Variants in OSBPL10 observed in about 807,000 individuals in gnomAD.
OSBPL10 encodes the protein oxysterol binding protein like 10, also known as oxysterol-binding protein-related protein 10.
A neutral mutation model predicts 81.7 loss-of-function variants in OSBPL10; 49 were observed. The ratio of observed to expected loss-of-function variants is 0.60; its 90% CI spans 0.48 to 0.76. The LOEUF (loss-of-function observed/expected upper bound fraction) is 0.76, where lower values mean the gene tolerates loss of function less well. Ranked by LOEUF, OSBPL10 falls within the 30% of genes least tolerant of loss-of-function variation. The pLI is 0.00. For synonymous variants in OSBPL10, 419 were observed against 383.6 expected (o/e 1.09, Z -1.08); for missense variants, 923 against 987.8 (o/e 0.93, Z 0.88).
At chr3:31,905,539 A>G (rs1417583703) in intron 1 of OSBPL10, among the ~76,000 whole-genome samples, 3 of 151,506 alleles carry the variant, frequency 2.0e-5, no homozygotes, top group Non-Finnish European at 4.4e-5. Flanking sequence ...TAGTAGAGAC[A>G]TGGTTTCGCC....
At chr3:31,898,795 C>T (rs1455661493) in intron 1 of OSBPL10, among the ~76,000 whole-genome samples, 1 of 151,650 alleles carries the variant, frequency 6.6e-6, no homozygotes, top group Non-Finnish European at 1.5e-5. Context: ...TAAACAAAGG[C>T]AAATCTAAAC....
intron 6 of OSBPL10, among the ~76,000 whole-genome samples, chr3:31,712,884 CTTG>C (rs1696305946): frequency 6.6e-6 from 1 of 151,750 alleles, no homozygotes; most frequent in Admixed American, 6.6e-5. Flanking sequence ...TTTCTAATCA[CTTG>C]GCCAAAAGCC....
intron 1 of OSBPL10, among the ~76,000 whole-genome samples, chr3:32,067,624 GA>G (rs1384209237): frequency 3.9e-5 from 6 of 152,146 alleles, no homozygotes; most frequent in African/African-American, 1.4e-4. Flanking sequence ...CACCCTAACT[GA>G]TCAATGTACT....
intron 4 of OSBPL10, among the ~76,000 whole-genome samples, chr3:31,752,481 T>C (rs1405740167): frequency 6.6e-6 from 1 of 152,192 alleles, no homozygotes; most frequent in Non-Finnish European, 1.5e-5. Context: ...CAAGTTGAAC[T>C]TCACAGATAA....
chr3:31,661,867 G>T lies in OSBPL10; in HGVS notation c.*205C>A. 1.6e-6 allele frequency: 1 copy of T among 643,886 alleles called. No homozygotes were observed. The highest frequency in any genetic ancestry group is 3.2e-5 in the Admixed American group (1 of 31,202). 39.9% of individuals were successfully genotyped at this position (643,886 alleles called of 1,614,324 possible). ...GAACGTATACGGTGTGTACACACAC[G>T]TGCCCCGAATGGCTCTTGAATAAAT... On this transcript the variant is annotated 3_prime_UTR_variant, in exon 12 of 12. Coordinates refer to ENST00000396556, the MANE Select transcript of OSBPL10 (RefSeq NM_017784.5).
intron 1 of OSBPL10, among the ~76,000 whole-genome samples, chr3:31,891,867 C>A (rs984875183): frequency 3.3e-5 from 5 of 152,120 alleles, no homozygotes; most frequent in Middle Eastern, 6.3e-3. Flanking sequence ...AGCTCCAAGT[C>A]CCCAAACTAA....
chr3:31,733,465 G>A lies in OSBPL10; in HGVS notation c.941-54C>T. On this transcript the variant is annotated intron_variant, in intron 5 of 11. Coordinates refer to ENST00000396556, the MANE Select transcript of OSBPL10 (RefSeq NM_017784.5). ...GTATTTTCCAAATTAAACATTTATA[G>A]CTCATGAAATATTTGTACTCACTGT... 1.9e-6 allele frequency: 3 copies of A among 1,605,558 alleles called. No homozygotes were observed. The Middle Eastern group carries it at 5.0e-4, about 266-fold the overall frequency.
intron 2 of OSBPL10, among the ~76,000 whole-genome samples, chr3:32,033,207 A>G (rs1328523855): frequency 6.6e-6 from 1 of 152,190 alleles, no homozygotes; most frequent in African/African-American, 2.4e-5. Context: ...TGAAGGTCTT[A>G]AGAGCTGTTT....
intron 4 of OSBPL10, among the ~76,000 whole-genome samples, chr3:31,780,089 G>A (rs754872926): frequency 2.6e-5 from 4 of 152,036 alleles, no homozygotes; most frequent in Non-Finnish European, 2.9e-5. Flanking sequence ...TCAGGCAATC[G>A]AGACCATCCT....
chr3:31,708,808 T>A, intron 6 of OSBPL10: 1 of 985,436 alleles, frequency 1.0e-6, no homozygotes, highest in Non-Finnish European at 1.2e-6. Context: ...CCATCTTTGT[T>A]GGGTAGAGGG....
chr3:32,073,697 C>T (rs1699852138), intron 1 of OSBPL10, among the ~76,000 whole-genome samples: 1 of 152,164 alleles, frequency 6.6e-6, no homozygotes, highest in African/African-American at 2.4e-5. Flanking sequence ...GTCATCCCTT[C>T]TATATTCTGT....
At chr3:31,852,575 T>G (rs201561278) in intron 3 of OSBPL10, among the ~76,000 whole-genome samples, 1 of 150,996 alleles carries the variant, frequency 6.6e-6, no homozygotes, top group Non-Finnish European at 1.5e-5. Context: ...TTTTTCCTTT[T>G]TTTGTTTGTT....
At chr3:31,739,532 T>G (rs1005435960) in intron 5 of OSBPL10, among the ~76,000 whole-genome samples, 2 of 152,196 alleles carry the variant, frequency 1.3e-5, no homozygotes, top group East Asian at 3.8e-4. Flanking sequence ...CCTGATCCAA[T>G]TGGATTAGTG....
In OSBPL10 at chr3:32,066,171, AG is replaced by A. The variant is rs1229770685; in HGVS notation, n.185+11224del. ...AAGGAAGAAAGGAAGAAAGGAAGGA[AG>A]GAAGGAAGGAAGGAAGGAAGGAAGG... On this transcript the variant is annotated intron_variant and non_coding_transcript_variant, in intron 1 of 3. Transcript: ENST00000479173. 8.0e-4 allele frequency among the ~76,000 whole-genome samples: 21 copies of A among 26,210 alleles called. 5 individuals are homozygous for A. Among genetic ancestry groups the A allele is most frequent in the African/African-American group, 1.4e-3 (19 of 13,954 alleles). The allele number at this position is 26,210 out of a possible 152,430, so 17.2% of individuals were successfully genotyped here.
chr3:32,052,246 CAAAA>C (rs112990726), intron 1 of OSBPL10, among the ~76,000 whole-genome samples: 42 of 90,090 alleles, frequency 4.7e-4, no homozygotes, highest in African/African-American at 1.6e-3. Flanking sequence ...GATCCTGTCA[CAAAA>C]AAAAAAAAAG....
chr3:31,769,197 C>T (rs1698284850), intron 4 of OSBPL10, among the ~76,000 whole-genome samples: 1 of 152,030 alleles, frequency 6.6e-6, no homozygotes, highest in Admixed American at 6.6e-5. Context: ...AATCCCAGCA[C>T]TTTGGGAGGC....
chr3:31,872,132 T>C (rs2125622855), intron 3 of OSBPL10, among the ~76,000 whole-genome samples: 1 of 152,324 alleles, frequency 6.6e-6, no homozygotes, highest in South Asian at 2.1e-4. Context: ...CCACCTCAAG[T>C]AACACCGGAA....
At chr3:32,050,738 C>T (rs1039118231) in intron 1 of OSBPL10, among the ~76,000 whole-genome samples, 7 of 151,552 alleles carry the variant, frequency 4.6e-5, no homozygotes, top group East Asian at 1.9e-4. Context: ...CTCAGCTCAC[C>T]GCAACCTCCG....
chr3:31,807,379 A>C (rs1291127475), intron 4 of OSBPL10, among the ~76,000 whole-genome samples: 1 of 126,150 alleles, frequency 7.9e-6, no homozygotes. Flanking sequence ...TCAGAAAAAT[A>C]AATAAATAAA....
Sources: allele counts gnomAD v4.1 joint callset (sites outside exome capture counted in the v4.1 genomes callset), GRCh38; gene constraint gnomAD v4.1.1; transcripts MANE v1.5; gene names NCBI Gene and HGNC (gene_info 2026-07-23, HGNC 2026-07-21).